YEATS4: variants seen among roughly 807,000 people sequenced by gnomAD.
YEATS4 encodes YEATS domain containing 4.
YEATS4 carries 17 observed loss-of-function variants against 30.1 expected under a neutral mutation model. That is an observed-to-expected ratio of 0.56 (90% CI 0.39 to 0.85). YEATS4 has a LOEUF of 0.85. Ranked by LOEUF, YEATS4 falls within the 40% of genes least tolerant of loss-of-function variation. The pLI is 0.00. For synonymous variants in YEATS4, 85 were observed against 87.5 expected, an observed-to-expected ratio of 0.97 and a Z score of 0.16; for missense variants, 142 against 268.3, an observed-to-expected ratio of 0.53 and a Z score of 3.29.
chr12:69,383,422 G>C (rs1011629527), intron 6 of YEATS4, among the ~76,000 whole-genome samples: 2 of 152,154 alleles, frequency 1.3e-5, no homozygotes, highest in Non-Finnish European at 2.9e-5. Context: ...TAAATTATGA[G>C]ACCAAATGGT....
chr12:69,397,898 T>C, the YEATS4 span, among the ~76,000 whole-genome samples: 1 of 152,196 alleles, frequency 6.6e-6, no homozygotes, highest in South Asian at 2.1e-4. Flanking sequence ...ACCAAATACC[T>C]GTATGTGGTA....
intron 6 of YEATS4, among the ~76,000 whole-genome samples, chr12:69,381,948 C>T (rs1382599956): frequency 5.3e-5 from 8 of 152,162 alleles, no homozygotes; most frequent in African/African-American, 1.7e-4. Flanking sequence ...TAATCCAAGT[C>T]GTGGGGTTTA....
At chr12:69,414,167 A>C in the YEATS4 span, among the ~76,000 whole-genome samples, 1 of 152,266 alleles carries the variant, frequency 6.6e-6, no homozygotes, top group African/African-American at 2.4e-5. Context: ...TTCATTTGCA[A>C]AACTCAAATA....
chr12:69,407,296 C>T, the YEATS4 span, among the ~76,000 whole-genome samples: 1 of 152,230 alleles, frequency 6.6e-6, no homozygotes, highest in African/African-American at 2.4e-5. Flanking sequence ...CTCTAAGCTT[C>T]CATTTCCTCC....
intron 6 of YEATS4, 31 bp from the exon 7 acceptor site, chr12:69,390,116 A>T: frequency 6.5e-7 from 1 of 1,542,422 alleles, no homozygotes; most frequent in Non-Finnish European, 8.7e-7. Flanking sequence ...TGTGAGAAAA[A>T]TACTTTAGTA....
chr12:69,390,086 CCT>C, intron 6 of YEATS4, 59 bp from the exon 7 acceptor site: 1 of 1,327,054 alleles, frequency 7.5e-7, no homozygotes, highest in East Asian at 2.5e-5. Context: ...TATTTATTAC[CCT>C]GTCATATATC....
intron 2 of YEATS4, among the ~76,000 whole-genome samples, chr12:69,363,970 ATAT>A (rs568406810): frequency 6.6e-5 from 10 of 152,368 alleles, no homozygotes; most frequent in Non-Finnish European, 8.8e-5. Flanking sequence ...AAAAGGCCAA[ATAT>A]TATATGCTTT....
chr12:69,418,341 A>C, the YEATS4 span, among the ~76,000 whole-genome samples: 31 of 152,186 alleles, frequency 2.0e-4, no homozygotes, highest in Non-Finnish European at 3.8e-4. Context: ...AATCCCAGCT[A>C]CCAGGGAGGC....
At chr12:69,419,246 G>T in the YEATS4 span, among the ~76,000 whole-genome samples, 1 of 137,328 alleles carries the variant, frequency 7.3e-6, no homozygotes, top group African/African-American at 2.7e-5. Context: ...TTAGAGACAT[G>T]GTCTCACTCT....
chr12:69,360,288 C>T (rs1373712798), intron 1 of YEATS4, among the ~76,000 whole-genome samples: 1 of 152,154 alleles, frequency 6.6e-6, no homozygotes, highest in South Asian at 2.1e-4. Context: ...GACGTGGCTG[C>T]CAAGGAAACG....
chr12:69,378,174 TTTTGCATGCAATATCTTTTTTTTTCA>T (rs1282732113), intron 6 of YEATS4, among the ~76,000 whole-genome samples: 1 of 152,232 alleles, frequency 6.6e-6, no homozygotes, highest in Non-Finnish European at 1.5e-5. Context: ...TCTTTTTTGA[TTTTGCATGCAATATCTTTTTTTTTCA>T]TTTGCATGCA....
chr12:69,420,755 AAC>A, the YEATS4 span, among the ~76,000 whole-genome samples: 56,603 of 151,782 alleles, frequency 0.37, 11,007 homozygotes, highest in East Asian at 0.57. Context: ...CACAATAAAA[AAC>A]ACACTGGGGG....
chr12:69,389,730 C>T (rs1291038162), intron 6 of YEATS4, among the ~76,000 whole-genome samples: 1 of 151,936 alleles, frequency 6.6e-6, no homozygotes, highest in Admixed American at 6.6e-5. Flanking sequence ...CCAGGTTGGT[C>T]TCGAACTCCT....
downstream of YEATS4, among the ~76,000 whole-genome samples, chr12:69,395,239 TACAA>T (rs1251638872): frequency 6.6e-6 from 1 of 152,102 alleles, no homozygotes; most frequent in Non-Finnish European, 1.5e-5. Flanking sequence ...ATGTATTACT[TACAA>T]ACCATTTATC....
Position 69,365,823 on chromosome 12 carries a change from C to G in YEATS4, c.272C>G (p.Thr91Arg), listed in dbSNP as rs1222241151. Residue 91 changes from threonine (T) to arginine (R), a missense_variant, in exon 4 of 7, where the codon ACA (threonine) becomes AGA (arginine). Around this residue, in one of 3 missense-constraint regions of YEATS4, gnomAD observed 64 missense variants for 164.0 expected, o/e 0.39. Coordinates refer to ENST00000247843, the MANE Select transcript of YEATS4 (RefSeq NM_006530.4). ...VTKPPYEITE[T>R]GWGEFEIIIK... is the part of the protein sequence containing the mutation. Reference sequence around the variant, plus strand: ...AAACCTCCATATGAAATTACTGAAACAGGATGGGGTGAATTCGAAATAATC... The same window carrying G: ...AAACCTCCATATGAAATTACTGAAAGAGGATGGGGTGAATTCGAAATAATC... 6.2e-7 allele frequency: 1 copy of G among 1,610,460 alleles called. No homozygotes were observed. Among genetic ancestry groups the G allele is most frequent in the Non-Finnish European group, 8.5e-7 (1 of 1,179,002 alleles).
Position 69,390,387 on chromosome 12 carries a change from A to T in YEATS4, c.*71A>T. ...TGGGCTTCACTGGAGAAATGGACTT[A>T]CTGCAAATGCTGTGATGTTTCTTAG... On this transcript the variant is annotated 3_prime_UTR_variant, in exon 7 of 7. Coordinates refer to ENST00000247843, the MANE Select transcript of YEATS4 (RefSeq NM_006530.4). 1 of 1,378,432 alleles carries T rather than the reference A, an allele frequency of 7.3e-7. No individual in the cohort carries two copies. The highest frequency in any genetic ancestry group is 1.6e-5 in the South Asian group (1 of 63,158). The allele number at this position is 1,378,432 out of a possible 1,614,324, so 85.4% of individuals were successfully genotyped here.
chr12:69,382,312 C>T (rs116319780), intron 6 of YEATS4, among the ~76,000 whole-genome samples: 2,242 of 152,252 alleles, frequency 0.015, 53 homozygotes, highest in African/African-American at 0.05. Flanking sequence ...GCGGGTAGGT[C>T]CAGAGATTCT....
chr12:69,411,588 C>T, the YEATS4 span, among the ~76,000 whole-genome samples: 2 of 152,038 alleles, frequency 1.3e-5, no homozygotes, highest in South Asian at 2.1e-4. Context: ...TTTCATGATA[C>T]GGGAAAAAGA....
At chr12:69,417,555 G>A in the YEATS4 span, among the ~76,000 whole-genome samples, 3 of 152,060 alleles carry the variant, frequency 2.0e-5, no homozygotes, top group Non-Finnish European at 2.9e-5. Context: ...AGGCTGCCTT[G>A]GTAGGAGGCT....
Sources: allele counts gnomAD v4.1 joint callset (sites outside exome capture counted in the v4.1 genomes callset), GRCh38; gene constraint gnomAD v4.1.1; regional missense constraint gnomAD v4.1.1; transcripts MANE v1.5; gene names NCBI Gene and HGNC (gene_info 2026-07-23, HGNC 2026-07-21).